The following ZFP14 variants were observed in gnomAD, a reference collection of about 807,000 sequenced individuals.
ZFP14 encodes zinc finger protein 14 homolog.
ZFP14 carries 22 observed loss-of-function variants against 54.5 expected under a neutral mutation model. The observed-to-expected ratio is 0.40, with a 90% CI of 0.29 to 0.58. ZFP14 has a LOEUF of 0.58. Among genes scored for constraint, ZFP14 ranks in the 20% least tolerant of loss-of-function variants. The pLI, the probability that ZFP14 is intolerant of heterozygous loss-of-function variation, is 0.39. For synonymous variants in ZFP14, 159 were observed against 204.0 expected (o/e 0.78, Z 1.88); for missense variants, 470 against 637.8 (o/e 0.74, Z 2.83).
At chr19:36,346,446 T>A (rs2031415295) in intron 4 of ZFP14, among the ~76,000 whole-genome samples, 1 of 151,350 alleles carries the variant, frequency 6.6e-6, no homozygotes, top group Admixed American at 6.6e-5. Flanking sequence ...CAGTGACAAC[T>A]CCCCATAGAG....
chr19:36,353,176 G>A (rs1262384380), intron 4 of ZFP14, among the ~76,000 whole-genome samples: 1 of 142,378 alleles, frequency 7.0e-6, no homozygotes, highest in African/African-American at 2.6e-5. Flanking sequence ...AGTGCAGGCT[G>A]TTGCAGTACA....
chr19:36,340,567 C>T lies in ZFP14; in HGVS notation c.1259G>A (p.Gly420Asp), dbSNP rs1403368170. The T allele has an allele frequency of 6.2e-7, 1 of 1,614,044 alleles. No homozygotes were observed. Among genetic ancestry groups the T allele is most frequent in the South Asian group, 1.1e-5 (1 of 91,060 alleles). The part of the protein sequence containing the change: ...QLISHQSIHI[G>D]ERPYECEECG... ...CTCTTCACATTCATAGGGTCTCTCA[C>T]CAATATGAATGCTCTGGTGTGAAAT... Residue 420 changes from glycine (G) to aspartate (D), a missense_variant, in exon 5 of 5, where the codon GGT becomes GAT. Coordinates refer to ENST00000270001, the MANE Select transcript of ZFP14 (RefSeq NM_020917.3). This position sits in a 1 kb window ranked among gnomAD's most constrained non-coding sequence, Gnocchi z 5.4.
chr19:36,349,281 A>C (rs965711236), intron 4 of ZFP14, among the ~76,000 whole-genome samples: 3 of 146,894 alleles, frequency 2.0e-5, no homozygotes, highest in Non-Finnish European at 4.5e-5. Context: ...CAGGAAGAAC[A>C]TAATTTCTCC....
At chr19:36,347,745 C>T (rs1479874017) in intron 4 of ZFP14, among the ~76,000 whole-genome samples, 4 of 152,156 alleles carry the variant, frequency 2.6e-5, no homozygotes, top group Non-Finnish European at 4.4e-5. Flanking sequence ...AAGCCTAATA[C>T]TCCAAGTTAT....
At chr19:36,372,513 T>C (rs2031895150) in intron 1 of ZFP14, among the ~76,000 whole-genome samples, 1 of 152,106 alleles carries the variant, frequency 6.6e-6, no homozygotes, top group Non-Finnish European at 1.5e-5. Flanking sequence ...AAATGATTAA[T>C]TCCCTGACAC....
chr19:36,359,558 G>A (rs193019379), intron 4 of ZFP14, among the ~76,000 whole-genome samples: 64 of 149,954 alleles, frequency 4.3e-4, no homozygotes, highest in Admixed American at 3.8e-3. Flanking sequence ...TGTCAGTTCC[G>A]GTAAGTTGTA....
At chr19:36,364,051 T>C in intron 2 of ZFP14, among the ~76,000 whole-genome samples, 1 of 152,012 alleles carries the variant, frequency 6.6e-6, no homozygotes, top group Admixed American at 6.6e-5. Flanking sequence ...CAGCACATCC[T>C]GTAAAAATAC....
chr19:36,364,763 G>T (rs1239281969), intron 2 of ZFP14, among the ~76,000 whole-genome samples: 1 of 152,088 alleles, frequency 6.6e-6, no homozygotes, highest in Non-Finnish European at 1.5e-5. Context: ...CTGTGGAGAA[G>T]TTTAGAGTTT....
intron 1 of ZFP14, among the ~76,000 whole-genome samples, chr19:36,374,224 C>A (rs1413649358): frequency 6.6e-6 from 1 of 152,010 alleles, no homozygotes; most frequent in African/African-American, 2.4e-5. Flanking sequence ...GGGGCAGTGG[C>A]TCACACCTGT....
At chr19:36,360,078 G>A (rs1352588033) in intron 4 of ZFP14, 1 of 158,174 alleles carries the variant, frequency 6.3e-6, no homozygotes, top group African/African-American at 2.4e-5. Context: ...CATCTTTGCT[G>A]ATCTTTTCAA....
chr19:36,371,249 C>T (rs531777768), intron 1 of ZFP14, among the ~76,000 whole-genome samples: 1 of 151,720 alleles, frequency 6.6e-6, no homozygotes, highest in African/African-American at 2.4e-5. Context: ...GGCGACAGAG[C>T]GAGACTCTGT....
In ZFP14 at chr19:36,340,954, T is replaced by C. The variant is rs2031299797; in HGVS notation, c.872A>G (p.Lys291Arg). 1 of 1,614,024 alleles carries C rather than the reference T, an allele frequency of 6.2e-7. No homozygotes were observed. Among genetic ancestry groups the C allele is most frequent in the African/African-American group, 1.3e-5 (1 of 74,918 alleles). The change falls in exon 5 of 5, where the codon AAG becomes AGG. Residue 291 changes from lysine to arginine, a missense_variant. Coordinates refer to ENST00000270001, the MANE Select transcript of ZFP14 (RefSeq NM_020917.3). This position sits in a 1 kb window ranked among gnomAD's most constrained non-coding sequence, Gnocchi z 5.4. ...AAGGTGTGTACACTGTCTAAAGGTC[T>C]TTCCACAGTCCTTACATTCATAGGG... ...EKPYECKDCG[K>R]TFRQCTHLTR...
intron 2 of ZFP14, among the ~76,000 whole-genome samples, chr19:36,363,184 CTTTTCTTTTTTTTTT>C (rs2031736630): frequency 8.3e-6 from 1 of 120,386 alleles, no homozygotes; most frequent in Admixed American, 8.4e-5. Context: ...ATATTCTTTT[CTTTTCTTTTTTTTTT>C]TTTTTTTTTT....
Position 36,379,166 on chromosome 19 carries a change from T to C in ZFP14, c.-83A>G, listed in dbSNP as rs2032012082. The C allele has an allele frequency of 6.6e-6, 1 of 152,480 alleles. No individual in the cohort carries two copies. The highest frequency in any genetic ancestry group is 1.5e-5 in the Non-Finnish European group (1 of 68,470). 9.4% of individuals were successfully genotyped at this position (152,480 alleles called of 1,614,324 possible). On this transcript the variant is annotated 5_prime_UTR_variant, in exon 1 of 5. Transcript: ENST00000270001. ...TCGGTGCAAGCGACCAACTCACCTCTCGGAGCCGACACCAGCAGCGAAGCC... is the reference window on the plus strand; with the variant it reads ...TCGGTGCAAGCGACCAACTCACCTCCCGGAGCCGACACCAGCAGCGAAGCC...
At chr19:36,344,570 A>AC (rs2031379968) in intron 4 of ZFP14, among the ~76,000 whole-genome samples, 1 of 151,152 alleles carries the variant, frequency 6.6e-6, no homozygotes, top group African/African-American at 2.5e-5. Flanking sequence ...GAGGTCCCCA[A>AC]CCCCCAGGCC....
At chr19:36,374,576 G>A (rs2031931420) in intron 1 of ZFP14, among the ~76,000 whole-genome samples, 1 of 151,598 alleles carries the variant, frequency 6.6e-6, no homozygotes, top group Non-Finnish European at 1.5e-5. Context: ...GATTAAAGTT[G>A]AAAAGAACCT....
At chr19:36,368,197 G>A (rs1257108789) in intron 1 of ZFP14, among the ~76,000 whole-genome samples, 11 of 152,170 alleles carry the variant, frequency 7.2e-5, no homozygotes, top group Admixed American at 2.0e-4. Context: ...GGCCGGGCAC[G>A]GTGGCTCTCG....
chr19:36,346,850 G>T (rs187974727), intron 4 of ZFP14, among the ~76,000 whole-genome samples: 198 of 152,330 alleles, frequency 1.3e-3, no homozygotes, highest in South Asian at 0.012. Context: ...ATAACAAACA[G>T]CCTTGCAAGG....
At chr19:36,379,024 G>A (rs1203499567) in intron 1 of ZFP14, 139 bp downstream of exon 1, 2 of 152,534 alleles carry the variant, frequency 1.3e-5, no homozygotes, top group Admixed American at 1.3e-4. Context: ...GAAGCGAGAA[G>A]GCAGAGGACG....
Sources: gnomAD v4.1 joint callset for allele counts (sites outside exome capture counted in the v4.1 genomes callset) on GRCh38, gnomAD v4.1.1 for gene constraint, Gnocchi (gnomAD v3.1) non-coding constraint, MANE v1.5 for transcripts, NCBI Gene and HGNC (gene_info 2026-07-23, HGNC 2026-07-21) for gene names.